Variants in KLHL6 observed in about 807,000 individuals in gnomAD.
KLHL6 encodes kelch-like protein 6.
A neutral mutation model predicts 58.6 loss-of-function variants in KLHL6; 41 were observed. That is an observed-to-expected ratio of 0.70 (90% CI 0.55 to 0.91). The LOEUF (loss-of-function observed/expected upper bound fraction) is 0.91. Ranked by LOEUF, KLHL6 falls within the 40% of genes least tolerant of loss-of-function variation. The probability of loss-of-function intolerance (pLI) is 0.00; values close to 1 mark genes in which losing one functional copy is unlikely to be tolerated. For synonymous variants in KLHL6, 338 were observed against 322.7 expected (o/e 1.05, Z -0.51); for missense variants, 714 against 805.6 (o/e 0.89, Z 1.38).
At chr3:183,518,171 A>G (rs991729253) in intron 2 of KLHL6, among the ~76,000 whole-genome samples, 1 of 152,146 alleles carries the variant, frequency 6.6e-6, no homozygotes, top group African/African-American at 2.4e-5. Context: ...AGGGAAGTGG[A>G]TATATGGAGT....
intron 1 of KLHL6, among the ~76,000 whole-genome samples, chr3:183,528,997 G>T (rs566778729): frequency 9.2e-5 from 14 of 152,302 alleles, no homozygotes; most frequent in Admixed American, 2.6e-4. Context: ...ATCCTTTGCA[G>T]GGACATGGAA....
At chr3:183,501,493 T>A (rs1444374378) in intron 3 of KLHL6, among the ~76,000 whole-genome samples, 1 of 152,212 alleles carries the variant, frequency 6.6e-6, no homozygotes, top group Non-Finnish European at 1.5e-5. Flanking sequence ...GAACCAGGCC[T>A]CAGCCTCCAC....
chr3:183,491,675 G>A lies in KLHL6; in HGVS notation c.*252C>T. On this transcript the variant is annotated 3_prime_UTR_variant, in exon 7 of 7. Transcript: ENST00000341319. ...TGCCTGGCACAGAAGCCGGCATAGG[G>A]TGGGTGGGTCCTGAATGCTAAATAT... is the stretch of plus-strand genomic sequence containing the variant. 2.6e-6 allele frequency: 1 copy of A among 379,042 alleles called. No individual in the cohort carries two copies. The highest frequency in any genetic ancestry group is 4.7e-6 in the Non-Finnish European group (1 of 213,420). 23.5% of individuals were successfully genotyped at this position (379,042 alleles called of 1,614,324 possible). A position where few individuals can be genotyped will look rare whatever the true frequency, so the allele number is the denominator to read the frequency against.
intron 1 of KLHL6, among the ~76,000 whole-genome samples, chr3:183,537,225 A>G (rs1220169982): frequency 6.6e-6 from 1 of 152,178 alleles, no homozygotes; most frequent in Non-Finnish European, 1.5e-5. Context: ...GCAATAGAGT[A>G]GGAATCAGAA....
chr3:183,555,305 C>T, intron 1 of KLHL6, 56 bp downstream of exon 1: 1 of 1,498,450 alleles, frequency 6.7e-7, no homozygotes, highest in Non-Finnish European at 9.2e-7. Flanking sequence ...CTCACACTAA[C>T]ACACCTCTTC....
intron 1 of KLHL6, among the ~76,000 whole-genome samples, chr3:183,533,148 A>C (rs925531044): frequency 6.6e-6 from 1 of 152,134 alleles, no homozygotes; most frequent in Non-Finnish European, 1.5e-5. Flanking sequence ...TGTAATTCCA[A>C]ACGCTCGGAC....
chr3:183,552,649 C>T (rs889471666), intron 1 of KLHL6, among the ~76,000 whole-genome samples: 4 of 128,630 alleles, frequency 3.1e-5, no homozygotes, highest in South Asian at 5.2e-4. Context: ...ACCCTGGAGG[C>T]GGAGTTTGCA....
intron 2 of KLHL6, chr3:183,523,186 T>C (rs1439698444): frequency 6.6e-6 from 1 of 152,198 alleles, no homozygotes; most frequent in Non-Finnish European, 1.5e-5. Context: ...ATTCACATAT[T>C]CATGTATTCC....
chr3:183,525,509 T>A (rs1220985496), intron 2 of KLHL6, among the ~76,000 whole-genome samples: 1 of 152,186 alleles, frequency 6.6e-6, no homozygotes, highest in East Asian at 1.9e-4. Flanking sequence ...ATAATAGCTT[T>A]CCCTGGAAGG....
intron 2 of KLHL6, among the ~76,000 whole-genome samples, chr3:183,516,379 C>T (rs980317650): frequency 2.6e-5 from 4 of 152,170 alleles, no homozygotes; most frequent in Non-Finnish European, 4.4e-5. Flanking sequence ...CTCGGCCTGT[C>T]CCGATGACAC....
intron 1 of KLHL6, among the ~76,000 whole-genome samples, chr3:183,543,864 T>G (rs1379313112): frequency 6.6e-6 from 1 of 152,154 alleles, no homozygotes; most frequent in Non-Finnish European, 1.5e-5. Context: ...TTGATTGTGT[T>G]TTAAAGCCGT....
chr3:183,509,641 G>T (rs1235886969), intron 2 of KLHL6, among the ~76,000 whole-genome samples: 1 of 152,160 alleles, frequency 6.6e-6, no homozygotes, highest in Non-Finnish European at 1.5e-5. Context: ...GCCCTTACCT[G>T]AGACATGCTG....
At chr3:183,494,961 C>T (rs1443216968) in intron 4 of KLHL6, among the ~76,000 whole-genome samples, 2 of 152,156 alleles carry the variant, frequency 1.3e-5, no homozygotes, top group Non-Finnish European at 2.9e-5. Context: ...AATTCAGCAG[C>T]TGGGGAAAGA....
intron 1 of KLHL6, among the ~76,000 whole-genome samples, chr3:183,534,662 C>G (rs1336378327): frequency 6.6e-6 from 1 of 151,898 alleles, no homozygotes; most frequent in African/African-American, 2.4e-5. Context: ...CTCGGTCTCC[C>G]AAAGTGAGGG....
chr3:183,554,552 C>T (rs530303597), intron 1 of KLHL6, among the ~76,000 whole-genome samples: 22 of 152,164 alleles, frequency 1.4e-4, no homozygotes, highest in Non-Finnish European at 2.8e-4. Context: ...AACTAGAGGC[C>T]TCTCCCATCT....
In KLHL6 at chr3:183,491,967, G is replaced by C; in HGVS notation, c.1826C>G (p.Thr609Ser). ...HGSVTIRKSY[T>S]HIRRIVPGAV... ...TCCGGGCACGATCCTGCGGATGTGG[G>C]TGTACGACTTCCTGATGGTGACGCT... is the stretch of plus-strand genomic sequence containing the variant. The change falls in exon 7 of 7, where the codon ACC (threonine) becomes AGC (serine). Residue 609 changes from threonine (T) to serine (S), a missense_variant. Thr to Ser is a moderately conservative substitution (Grantham distance 58, BLOSUM62 1). Transcript: ENST00000341319. 1 of 1,561,842 alleles carries C rather than the reference G, an allele frequency of 6.4e-7. No individual in the cohort carries two copies. The highest frequency in any genetic ancestry group is 8.7e-7 in the Non-Finnish European group (1 of 1,152,196).
intron 2 of KLHL6, among the ~76,000 whole-genome samples, chr3:183,511,593 C>G (rs759972581): frequency 3.3e-5 from 5 of 152,172 alleles, no homozygotes; most frequent in African/African-American, 1.2e-4. Flanking sequence ...GGACAATACC[C>G]GGCTTTCCAG....
chr3:183,512,702 G>T (rs1718221948), intron 2 of KLHL6, among the ~76,000 whole-genome samples: 3 of 152,064 alleles, frequency 2.0e-5, no homozygotes. Context: ...TGTTGATCAG[G>T]CTGGTCTCGA....
intron 1 of KLHL6, among the ~76,000 whole-genome samples, chr3:183,554,734 GA>G (rs948255623): frequency 6.6e-6 from 1 of 152,122 alleles, no homozygotes; most frequent in Non-Finnish European, 1.5e-5. Flanking sequence ...GACCAAGGGG[GA>G]AAAAAGTCCC....
Sources: allele counts gnomAD v4.1 joint callset (sites outside exome capture counted in the v4.1 genomes callset), GRCh38; gene constraint gnomAD v4.1.1; transcripts MANE v1.5; gene names NCBI Gene and HGNC (gene_info 2026-07-23, HGNC 2026-07-21).